COL22A1: variants seen among roughly 807,000 people sequenced by gnomAD.
COL22A1 encodes collagen alpha-1(XXII) chain.
A neutral mutation model predicts 248.9 loss-of-function variants in COL22A1; 221 were observed. The observed-to-expected ratio is 0.89, with a 90% CI of 0.80 to 0.99. The LOEUF is 0.99. COL22A1 is among the 50% of genes least tolerant of loss of function. The pLI, the probability that COL22A1 is intolerant of heterozygous loss-of-function variation, is 0.00. For missense variants in COL22A1, 2,240 were observed against 2,179.0 expected (o/e 1.03, Z -0.56); for synonymous variants, 891 against 793.4 (o/e 1.12, Z -2.07).
rs114460435 is a variant in COL22A1, at chr8:138,605,730, G to T, written c.4104+651C>A. On this transcript the variant is annotated intron_variant, in intron 58 of 64. Coordinates refer to ENST00000303045, the MANE Select transcript of COL22A1 (RefSeq NM_152888.3). ...TGCAATATGCAGATGACACCAGAGG[G>T]CTCCACTTGGAAATGTTTGAATCCC... Among the ~76,000 whole-genome samples the T allele has an allele frequency of 2.7e-3, 410 of 152,272 alleles. 3 individuals carry two copies. The highest frequency in any genetic ancestry group is 9.6e-3 in the African/African-American group (397 of 41,538).
At position 138,820,748 on chromosome 8, in the gene COL22A1, A is replaced by ATG. The variant is rs921897720; in HGVS notation, c.1245+386_1245+387dup. On this transcript the variant is annotated intron_variant, in intron 7 of 64. Coordinates refer to ENST00000303045, the MANE Select transcript of COL22A1 (RefSeq NM_152888.3). ...TACATATGTATCTATATATGTATGTATGTGTGTGTGTGACTTTGCAGACCT... is the reference window on the plus strand; with the variant it reads ...TACATATGTATCTATATATGTATGTATGTGTGTGTGTGTGACTTTGCAGACCT... 5.9e-5 allele frequency among the ~76,000 whole-genome samples: 9 copies of ATG among 152,100 alleles called. No homozygotes were observed. In the South Asian group the frequency reaches 1.0e-3, roughly 18 times the overall value.
chr8:138,902,718 A>G (rs904382481), intron 1 of COL22A1, among the ~76,000 whole-genome samples: 2 of 122,506 alleles, frequency 1.6e-5, no homozygotes, highest in Non-Finnish European at 3.3e-5. Flanking sequence ...AAAAAAAAAA[A>G]TTTATAAATA....
At chr8:138,735,679 G>A (rs901565704) in intron 23 of COL22A1, among the ~76,000 whole-genome samples, 3 of 152,176 alleles carry the variant, frequency 2.0e-5, no homozygotes, top group Non-Finnish European at 4.4e-5. Flanking sequence ...CACAGTGAAT[G>A]TGAAATCTTT....
intron 44 of COL22A1, among the ~76,000 whole-genome samples, chr8:138,657,963 T>C (rs905319582): frequency 8.8e-6 from 1 of 113,170 alleles, no homozygotes; most frequent in African/African-American, 5.3e-5. Context: ...TTTTTACTGT[T>C]TTTTTCCCCT....
intron 47 of COL22A1, among the ~76,000 whole-genome samples, chr8:138,641,282 C>G (rs1379566270): frequency 1.3e-5 from 2 of 152,178 alleles, no homozygotes; most frequent in Non-Finnish European, 2.9e-5. Context: ...TCGGAGTCAT[C>G]CATACCCTCC....
At chr8:138,684,968 G>A (rs1342466463) in intron 38 of COL22A1, among the ~76,000 whole-genome samples, 2 of 152,186 alleles carry the variant, frequency 1.3e-5, no homozygotes, top group Non-Finnish European at 2.9e-5. Context: ...TGAGATGGGA[G>A]CATCTCCAGG....
intron 23 of COL22A1, among the ~76,000 whole-genome samples, chr8:138,736,161 C>T (rs1292832841): frequency 2.0e-5 from 3 of 151,976 alleles, no homozygotes; most frequent in Non-Finnish European, 4.4e-5. Flanking sequence ...GGTGTGCCCT[C>T]CTTTTTTATG....
intron 4 of COL22A1, among the ~76,000 whole-genome samples, chr8:138,837,986 C>G (rs1820564223): frequency 6.6e-6 from 1 of 152,048 alleles, no homozygotes; most frequent in Non-Finnish European, 1.5e-5. Context: ...CAGACAGCAC[C>G]TGGGAGTTCT....
intron 3 of COL22A1, among the ~76,000 whole-genome samples, chr8:138,850,944 C>T (rs1349815362): frequency 6.6e-6 from 1 of 152,172 alleles, no homozygotes; most frequent in African/African-American, 2.4e-5. Context: ...CACATATTTG[C>T]CAAGTGCCTG....
At chr8:138,685,069 G>GA in intron 38 of COL22A1, 139 bp downstream of exon 38, 1 of 664,602 alleles carries the variant, frequency 1.5e-6, no homozygotes, top group Non-Finnish European at 2.7e-6. Flanking sequence ...GCCCTAGCCT[G>GA]AACCCCTTTC....
chr8:138,634,146 A>C (rs529784226), intron 49 of COL22A1, among the ~76,000 whole-genome samples: 90 of 152,360 alleles, frequency 5.9e-4, no homozygotes, highest in African/African-American at 2.1e-3. Flanking sequence ...TAATTAACAC[A>C]CAGTTAACAA....
intron 4 of COL22A1, among the ~76,000 whole-genome samples, chr8:138,842,001 C>T (rs955261665): frequency 2.4e-4 from 36 of 152,288 alleles, no homozygotes; most frequent in Non-Finnish European, 1.9e-4. Flanking sequence ...TTCAGTTCTT[C>T]ACTCTGTTGA....
chr8:138,693,523 G>A, intron 35 of COL22A1, 123 bp downstream of exon 35: 5 of 989,960 alleles, frequency 5.1e-6, no homozygotes, highest in South Asian at 4.2e-5. Context: ...TCAAGTGTGG[G>A]TGAACCTTCT....
At chr8:138,595,391 CT>C (rs768139500) in intron 62 of COL22A1, among the ~76,000 whole-genome samples, 12 of 152,116 alleles carry the variant, frequency 7.9e-5, no homozygotes, top group Non-Finnish European at 1.5e-4. Flanking sequence ...TTTGAAACGG[CT>C]CTTGTCTCTG....
chr8:138,743,621 T>A (rs1831876253), intron 22 of COL22A1, among the ~76,000 whole-genome samples: 1 of 152,292 alleles, frequency 6.6e-6, no homozygotes, highest in African/African-American at 2.4e-5. Flanking sequence ...TTTCAAAGAT[T>A]TGAGAAGTGC....
rs551157583 is a variant in COL22A1, at chr8:138,843,763, G to A, written c.733+321C>T. ...CCAAAACACATTTATTTATTCAGTC[G>A]TTTGCTCACTTTGCCAATCATTTGC... On this transcript the variant is annotated intron_variant, in intron 4 of 64. Transcript: ENST00000303045. 3.3e-5 allele frequency among the ~76,000 whole-genome samples: 5 copies of A among 152,232 alleles called. No homozygotes were observed. The East Asian group carries it at 5.8e-4, about 18-fold the overall frequency.
chr8:138,805,532 CATGTGTGTGATGGT>C (rs1323358434), intron 10 of COL22A1, among the ~76,000 whole-genome samples: 2 of 90,478 alleles, frequency 2.2e-5, no homozygotes, highest in Admixed American at 2.2e-4. Flanking sequence ...TGTGTGATGG[CATGTGTGTGATGGT>C]ATGTGTGATG....
At position 138,662,354 on chromosome 8, in the gene COL22A1, A is replaced by T. The variant is rs149958329; in HGVS notation, c.3187-271T>A. Among the ~76,000 whole-genome samples, 173 of 152,204 alleles carry T rather than the reference A, an allele frequency of 1.1e-3. 1 individual carries two copies. The highest frequency in any genetic ancestry group is 4.1e-3 in the African/African-American group (171 of 41,534). On this transcript the variant is annotated intron_variant, in intron 42 of 64. Transcript: ENST00000303045. ...CCCATTTGTATAGTTCCCTTGCTTGAGTGAAAGAGACAGCTCCTGTGGTGA... is the reference window on the plus strand; with the variant it reads ...CCCATTTGTATAGTTCCCTTGCTTGTGTGAAAGAGACAGCTCCTGTGGTGA...
chr8:138,619,590 A>G, intron 52 of COL22A1, 82 bp from the exon 53 acceptor site: 2 of 1,345,090 alleles, frequency 1.5e-6, no homozygotes, highest in Non-Finnish European at 1.1e-6. Context: ...TTTCCTACCA[A>G]TCTATTCCCA....
Sources: allele counts gnomAD v4.1 joint callset (sites outside exome capture counted in the v4.1 genomes callset), GRCh38; gene constraint gnomAD v4.1.1; transcripts MANE v1.5; gene names NCBI Gene and HGNC (gene_info 2026-07-23, HGNC 2026-07-21).